ZNF254: variants seen among roughly 807,000 people sequenced by gnomAD.
ZNF254 encodes zinc finger protein 254.
ZNF254 carries 10 observed loss-of-function variants against 12.4 expected under a neutral mutation model. The observed-to-expected ratio is 0.80, with a 90% CI of 0.50 to 1.36. The LOEUF (loss-of-function observed/expected upper bound fraction) is 1.36. ZNF254 is among the 40% of genes most tolerant of loss of function. The pLI is 0.00. For synonymous variants in ZNF254, 305 were observed against 253.4 expected (o/e 1.20, Z -1.93); for missense variants, 996 against 763.9 (o/e 1.30, Z -3.58).
rs1197545334 is a variant in ZNF254 at position 24,055,069 on chromosome 19, G to C, written c.-94+8790G>C. Among the ~76,000 whole-genome samples, 7 of 151,502 alleles carry C rather than the reference G, an allele frequency of 4.6e-5. No homozygotes were observed. In the South Asian group the frequency reaches 1.0e-3, roughly 23 times the overall value. On this transcript the variant is annotated intron_variant, in intron 2 of 4. Transcript: ENST00000613065. Reference sequence around the variant, plus strand: ...ATACAAAAAATTAGCTGGGCATGGTGGTGGGCACCTGTAATCCCAGCTACT... The same window carrying C: ...ATACAAAAAATTAGCTGGGCATGGTCGTGGGCACCTGTAATCCCAGCTACT...
intron 3 of ZNF254, 97 bp downstream of exon 3, chr19:24,106,740 G>A: frequency 1.8e-6 from 2 of 1,130,610 alleles, no homozygotes; most frequent in Non-Finnish European, 1.2e-6. Context: ...GTGATCCAAA[G>A]GAAATAGTTT....
chr19:24,125,350 T>G (rs1239241151), intron 3 of ZNF254, among the ~76,000 whole-genome samples: 1 of 151,960 alleles, frequency 6.6e-6, no homozygotes, highest in Non-Finnish European at 1.5e-5. Context: ...CATAGTTGTT[T>G]CTGTTCCCAT....
At chr19:24,081,861 G>A (rs976395070) in intron 2 of ZNF254, among the ~76,000 whole-genome samples, 4 of 152,242 alleles carry the variant, frequency 2.6e-5, no homozygotes, top group East Asian at 1.9e-4. Context: ...AGTATCTCAC[G>A]CCTGTAATCC....
At chr19:24,106,124 A>G in intron 2 of ZNF254, 58 bp downstream of exon 2, 1 of 1,504,368 alleles carries the variant, frequency 6.6e-7, no homozygotes, top group South Asian at 1.2e-5. Context: ...ATTTTTCTTT[A>G]GAATGTTTTC....
intron 1 of ZNF254, among the ~76,000 whole-genome samples, chr19:24,045,500 TCTA>T (rs1970345519): frequency 6.6e-6 from 1 of 151,742 alleles, no homozygotes; most frequent in African/African-American, 2.4e-5. Flanking sequence ...AAACCCCGTC[TCTA>T]CTAAAAATAC....
rs751375448 is a variant in ZNF254 at position 24,127,349 on chromosome 19, C to G, written c.1349C>G (p.Thr450Ser). 1 of 1,613,628 alleles carries G rather than the reference C, an allele frequency of 6.2e-7. No homozygotes were observed. The highest frequency in any genetic ancestry group is 1.3e-5 in the African/African-American group (1 of 74,998). ...GCATTTATCTGGTCCTCAACCCTTA[C>G]TAAACATAAGAGAATTCATACTAGA... Reference protein sequence around the residue: ...GKAFIWSSTLTKHKRIHTREK... With the variant: ...GKAFIWSSTLSKHKRIHTREK... Residue 450 changes from threonine to serine, a missense_variant, in exon 4 of 4, where the codon ACT (threonine) becomes AGT (serine). Physicochemically the swap from Thr to Ser is moderately conservative, Grantham distance 58 (BLOSUM62 1). Coordinates refer to ENST00000357002, the MANE Select transcript of ZNF254 (RefSeq NM_203282.4).
At chr19:24,126,157 C>A (rs1974818820) in intron 3 of ZNF254, 97 bp from the exon 4 acceptor site, 1 of 822,884 alleles carries the variant, frequency 1.2e-6, no homozygotes, top group Non-Finnish European at 1.7e-6. Flanking sequence ...GCTATCTTGT[C>A]TATGTAGTTT....
At chr19:24,051,299 A>G (rs1970636694) in intron 2 of ZNF254, among the ~76,000 whole-genome samples, 1 of 152,178 alleles carries the variant, frequency 6.6e-6, no homozygotes, top group African/African-American at 2.4e-5. Flanking sequence ...CTGGGATTAC[A>G]GGTACACATG....
At chr19:24,115,680 T>C (rs1974008314) in intron 3 of ZNF254, among the ~76,000 whole-genome samples, 1 of 151,928 alleles carries the variant, frequency 6.6e-6, no homozygotes. Context: ...ATAATAATAA[T>C]AAAAAAAGAA....
At chr19:24,071,438 C>T (rs1346559321) in intron 2 of ZNF254, among the ~76,000 whole-genome samples, 2 of 152,162 alleles carry the variant, frequency 1.3e-5, no homozygotes, top group East Asian at 3.9e-4. Flanking sequence ...GTCTCAGCAC[C>T]TACATAATTT....
At chr19:24,062,918 A>G (rs1196214239) in intron 2 of ZNF254, among the ~76,000 whole-genome samples, 6 of 152,164 alleles carry the variant, frequency 3.9e-5, no homozygotes, top group Admixed American at 6.5e-5. Context: ...CTCCTGCCTC[A>G]GCCTCCTGAG....
At position 24,126,462 on chromosome 19, in the gene ZNF254, T is replaced by A; in HGVS notation, c.462T>A (p.Phe154Leu). Reference sequence around the variant, plus strand: ...TCACAACTGCCCAGAGCAAAGTATTTCAATGTGATAAATATTTGAAAGTCT... The same window carrying A: ...TCACAACTGCCCAGAGCAAAGTATTACAATGTGATAAATATTTGAAAGTCT... The part of the protein sequence containing the change: ...QCFTTAQSKV[F>L]QCDKYLKVFY... Residue 154 changes from phenylalanine (F) to leucine (L), a missense_variant, in exon 4 of 4, where the codon TTT becomes TTA. Transcript: ENST00000357002. 1 of 1,591,562 alleles carries A rather than the reference T, an allele frequency of 6.3e-7. No individual in the cohort carries two copies. The highest frequency in any genetic ancestry group is 8.5e-7 in the Non-Finnish European group (1 of 1,173,086).
At chr19:24,076,589 G>A (rs940623285) in intron 2 of ZNF254, among the ~76,000 whole-genome samples, 7 of 152,108 alleles carry the variant, frequency 4.6e-5, no homozygotes, top group South Asian at 4.1e-4. Context: ...AGATGGAGTC[G>A]CTCTGGTTTG....
At chr19:24,058,607 C>T (rs1970953503) in intron 2 of ZNF254, among the ~76,000 whole-genome samples, 1 of 151,992 alleles carries the variant, frequency 6.6e-6, no homozygotes, top group Non-Finnish European at 1.5e-5. Flanking sequence ...AGGGTTTCTC[C>T]ATGTTGGTCA....
At chr19:24,067,256 C>T (rs942290449) in intron 2 of ZNF254, among the ~76,000 whole-genome samples, 7 of 151,826 alleles carry the variant, frequency 4.6e-5, no homozygotes, top group Non-Finnish European at 1.0e-4. Context: ...TTTTAATATA[C>T]CTTTGGGCCT....
chr19:24,051,093 A>G (rs1970629569), intron 2 of ZNF254, among the ~76,000 whole-genome samples: 1 of 152,078 alleles, frequency 6.6e-6, no homozygotes, highest in Non-Finnish European at 1.5e-5. Context: ...GTGACTCCAC[A>G]CTTCTTCCTG....
At chr19:24,077,284 A>G (rs1017942482) in intron 2 of ZNF254, among the ~76,000 whole-genome samples, 4 of 152,218 alleles carry the variant, frequency 2.6e-5, no homozygotes, top group African/African-American at 9.6e-5. Flanking sequence ...GTATTAGAAG[A>G]CTGTACCCCA....
chr19:24,034,394 T>A (rs999063778), intron 1 of ZNF254, among the ~76,000 whole-genome samples: 9 of 151,558 alleles, frequency 5.9e-5, no homozygotes, highest in African/African-American at 1.9e-4. Flanking sequence ...GGCACAAAAA[T>A]GGGGTTGGGA....
At chr19:24,118,077 G>A (rs1056844940) in intron 3 of ZNF254, among the ~76,000 whole-genome samples, 1 of 148,376 alleles carries the variant, frequency 6.7e-6, no homozygotes, top group African/African-American at 2.5e-5. Context: ...TTTTGAAATG[G>A]AGTCTCCCTT....
Sources: allele counts gnomAD v4.1 joint callset (sites outside exome capture counted in the v4.1 genomes callset), GRCh38; gene constraint gnomAD v4.1.1; transcripts MANE v1.5; gene names NCBI Gene and HGNC (gene_info 2026-07-23, HGNC 2026-07-21).